GPR132: variants seen among roughly 807,000 people sequenced by gnomAD.
The protein encoded by GPR132 is probable G protein-coupled receptor 132.
In GPR132, 4 loss-of-function variants were observed where a neutral mutation model predicts 1.9. That is an observed-to-expected ratio of 2.13 (90% confidence interval 1.05 to 4.87). The LOEUF (loss-of-function observed/expected upper bound fraction) is 4.87. GPR132 is among the 30% of genes most tolerant of loss of function. The pLI is 0.01. For missense variants in GPR132, 404 were observed against 512.5 expected (o/e 0.79, Z 2.04); for synonymous variants, 233 against 234.2 (o/e 0.99, Z 0.05).
rs769074058 is a variant in GPR132, at chr14:105,051,579, G to A, written c.558C>T (p.Cys186=). The A allele has an allele frequency of 6.2e-7, 1 of 1,614,058 alleles. No individual in the cohort carries two copies. The highest frequency in any genetic ancestry group is 8.5e-7 in the Non-Finnish European group (1 of 1,180,046). Residue 186 remains cysteine, a synonymous_variant, in exon 4 of 4, where the codon TGC becomes TGT. Coordinates refer to ENST00000329797, the MANE Select transcript of GPR132 (RefSeq NM_013345.4). This position sits in a 1 kb window ranked among gnomAD's most constrained non-coding sequence, Gnocchi z 8.0. ...PVFQTEDKET[C]FDMLQMDSRI... is the part of the protein sequence containing the mutation. ...TGCTGTCCATCTGCAGCATGTCAAAGCAGGTCTCCTTGTCTTCCGTCTGGA... is the reference window on the plus strand; with the variant it reads ...TGCTGTCCATCTGCAGCATGTCAAAACAGGTCTCCTTGTCTTCCGTCTGGA...
At chr14:105,057,749 C>A (rs1886839725) in intron 1 of GPR132, among the ~76,000 whole-genome samples, 1 of 149,860 alleles carries the variant, frequency 6.7e-6, no homozygotes, top group Non-Finnish European at 1.5e-5. Flanking sequence ...AGTGCAATGG[C>A]ATGATCTCGG....
Position 105,051,723 on chromosome 14 carries a change from G to A in GPR132, c.414C>T (p.Cys138=), listed in dbSNP as rs138044047. The change falls in exon 4 of 4, where the codon TGC becomes TGT. Residue 138 remains cysteine (C), a synonymous_variant. Coordinates refer to ENST00000329797, the MANE Select transcript of GPR132 (RefSeq NM_013345.4). The surrounding 1 kb of genome is among the most constrained non-coding windows in gnomAD (Gnocchi z 8.0). ...VSILFLCCIS[C]DRFVAVVYAL... is the part of the protein sequence containing the mutation. ...CGTACACCACGGCCACGAAGCGGTC[G>A]CAGGAGATGCAGCACAGGAAGAGGA... is the stretch of plus-strand genomic sequence containing the variant. 29 of 1,613,980 alleles carry A rather than the reference G, an allele frequency of 1.8e-5. 1 individual carries two copies. Among genetic ancestry groups the A allele is most frequent in the African/African-American group, 8.0e-5 (6 of 74,930 alleles).
chr14:105,051,876 G>T lies in GPR132; in HGVS notation c.261C>A (p.Cys87Ter), dbSNP rs750063165. 1.2e-6 allele frequency: 2 copies of T among 1,613,630 alleles called. No individual in the cohort carries two copies. The highest frequency in any genetic ancestry group is 1.3e-5 in the African/African-American group (1 of 74,950). The part of the protein sequence containing the change: ...LAVYLLCLAL[C>*]ELLYTGTLPL... ...GCAGCGTGCCTGTGTACAGCAGCTC[G>T]CAGAGTGCCAGGCAGAGCAGGTAGA... The change falls in exon 4 of 4, where the codon TGC becomes TGA. Residue 87 changes from cysteine to a stop codon, truncating the protein, a stop_gained. Coordinates refer to ENST00000329797, the MANE Select transcript of GPR132 (RefSeq NM_013345.4). LOFTEE classifies it low-confidence loss of function (END_TRUNC). The surrounding 1 kb of genome is among the most constrained non-coding windows in gnomAD (Gnocchi z 8.0).
At chr14:105,057,383 C>T in intron 1 of GPR132, 103 bp from the exon 2 acceptor site, 2 of 541,142 alleles carry the variant, frequency 3.7e-6, no homozygotes, top group Non-Finnish European at 6.5e-6. Flanking sequence ...TACTAAGTGG[C>T]CCGTTGATTC....
At chr14:105,053,861 T>C in intron 3 of GPR132, 1 of 981,084 alleles carries the variant, frequency 1.0e-6, no homozygotes, top group Middle Eastern at 4.8e-4. Flanking sequence ...GTGGGCCCAA[T>C]GGAATCACAA....
intron 3 of GPR132, among the ~76,000 whole-genome samples, chr14:105,054,740 T>C (rs1157570391): frequency 6.7e-6 from 1 of 150,148 alleles, no homozygotes; most frequent in East Asian, 2.0e-4. Context: ...CACTTGTTTT[T>C]GTGCATTTAA....
At chr14:105,061,745 G>A (rs570009827) in intron 1 of GPR132, among the ~76,000 whole-genome samples, 57 of 152,280 alleles carry the variant, frequency 3.7e-4, no homozygotes, top group African/African-American at 1.3e-3. Flanking sequence ...ACCCTCCTGG[G>A]GGGGGGGAGT....
At chr14:105,065,189 C>T (rs951274421) in intron 1 of GPR132, among the ~76,000 whole-genome samples, 190 bp downstream of exon 1, 3 of 152,206 alleles carry the variant, frequency 2.0e-5, no homozygotes, top group Admixed American at 1.3e-4. Context: ...CATCTGTGGT[C>T]ACTGGGGGTC....
rs750928029 is a variant in GPR132, at chr14:105,051,086, C to T, written c.1051G>A (p.Val351Met). ...AAGGTGTAGTGGTCTGCAAGGGCCA[C>T]GGGCGACTGCAGCTCCTCGGTGTCC... Reference protein sequence around the residue: ...SRDTEELQSPVALADHYTFSR... With the variant: ...SRDTEELQSPMALADHYTFSR... The change falls in exon 4 of 4, where the codon GTG becomes ATG. Residue 351 changes from valine (V) to methionine (M), a missense_variant. Coordinates refer to ENST00000329797, the MANE Select transcript of GPR132 (RefSeq NM_013345.4). This position sits in a 1 kb window ranked among gnomAD's most constrained non-coding sequence, Gnocchi z 8.0. 7.4e-6 allele frequency: 12 copies of T among 1,614,032 alleles called. No homozygotes were observed. Among genetic ancestry groups the T allele is most frequent in the African/African-American group, 2.7e-5 (2 of 74,922 alleles).
At position 105,052,071 on chromosome 14, in the gene GPR132, C is replaced by T. The variant is rs751434619; in HGVS notation, c.66G>A (p.Pro22=). 21 of 1,594,344 alleles carry T rather than the reference C, an allele frequency of 1.3e-5. No homozygotes were observed. Among genetic ancestry groups the T allele is most frequent in the Middle Eastern group, 3.3e-4 (2 of 6,050 alleles). ...GNATPVTTTA[P]WASLGLSAKT... Reference sequence around the variant, plus strand: ...TGGCGGAGAGGCCCAGGGAGGCCCACGGGGCAGTGGTGGTCACTGGGGTGG... The same window carrying T: ...TGGCGGAGAGGCCCAGGGAGGCCCATGGGGCAGTGGTGGTCACTGGGGTGG... Residue 22 remains proline (P), a synonymous_variant, in exon 4 of 4, where the codon CCG becomes CCA. Transcript: ENST00000329797.
rs1052262088 is a variant in GPR132, at chr14:105,055,469, A to G, written c.-49T>C. 3.9e-6 allele frequency: 3 copies of G among 778,710 alleles called. No homozygotes were observed. Among genetic ancestry groups the G allele is most frequent in the Non-Finnish European group, 7.2e-6 (3 of 416,142 alleles). The allele number at this position is 778,710 out of a possible 1,614,324, so 48.2% of individuals were successfully genotyped here. On this transcript the variant is annotated 5_prime_UTR_variant, in exon 3 of 4. The change abolishes an upstream ATG in the 5' untranslated region. Coordinates refer to ENST00000329797, the MANE Select transcript of GPR132 (RefSeq NM_013345.4). The surrounding 1 kb of genome is among the most constrained non-coding windows in gnomAD (Gnocchi z 4.7). Reference sequence around the variant, plus strand: ...CAGCATCCGTCGGCAGAACCTTCTCATCTTCCCAAACGGAGACTCTGCCCC... The same window carrying G: ...CAGCATCCGTCGGCAGAACCTTCTCGTCTTCCCAAACGGAGACTCTGCCCC...
chr14:105,059,041 C>T lies in GPR132; in HGVS notation c.-860-1761G>A, dbSNP rs148387171. 6.6e-5 allele frequency among the ~76,000 whole-genome samples: 10 copies of T among 152,342 alleles called. No individual in the cohort carries two copies. Among genetic ancestry groups the T allele is most frequent in the African/African-American group, 2.4e-4 (10 of 41,576 alleles). ...CTGCCTCCCTGGTGCCAGGCCCAACCCCCACCCCATGCTGCCTGGTGCTGC... is the reference window on the plus strand; with the variant it reads ...CTGCCTCCCTGGTGCCAGGCCCAACTCCCACCCCATGCTGCCTGGTGCTGC... On this transcript the variant is annotated intron_variant, in intron 1 of 3. Transcript: ENST00000329797. The surrounding 1 kb of genome is among the most constrained non-coding windows in gnomAD (Gnocchi z 4.2).
chr14:105,056,708 G>C lies in GPR132; in HGVS notation c.-747+459C>G, dbSNP rs899122006. On this transcript the variant is annotated intron_variant, in intron 2 of 3. Coordinates refer to ENST00000329797, the MANE Select transcript of GPR132 (RefSeq NM_013345.4). The surrounding 1 kb of genome is among the most constrained non-coding windows in gnomAD (Gnocchi z 6.0). ...CCAGGTCCGTGGTGTCTGTGGCTCT[G>C]TGCCCATCTGGTGAGGAGGCTGTCC... Among the ~76,000 whole-genome samples, 2 of 152,208 alleles carry C rather than the reference G, an allele frequency of 1.3e-5. No homozygotes were observed. Among genetic ancestry groups the C allele is most frequent in the Non-Finnish European group, 1.5e-5 (1 of 68,036 alleles).
chr14:105,054,184 G>C, intron 3 of GPR132: 1 of 1,246,426 alleles, frequency 8.0e-7, no homozygotes, highest in Non-Finnish European at 1.0e-6. Context: ...CGGACAGAGC[G>C]TTGCCAAACT....
chr14:105,057,092 T>G, intron 2 of GPR132, 75 bp downstream of exon 2: 7 of 1,062,364 alleles, frequency 6.6e-6, no homozygotes, highest in African/African-American at 3.1e-5. Flanking sequence ...TTTTGAATTA[T>G]GAGACAACAT....
chr14:105,064,323 C>T (rs1027081512), intron 1 of GPR132, among the ~76,000 whole-genome samples: 1 of 152,070 alleles, frequency 6.6e-6, no homozygotes, highest in Non-Finnish European at 1.5e-5. Flanking sequence ...CCACCACACC[C>T]ATCCAAAGCC....
intron 3 of GPR132, 39 bp from the exon 4 acceptor site, chr14:105,052,141 G>A: frequency 6.7e-7 from 1 of 1,502,694 alleles, no homozygotes; most frequent in Non-Finnish European, 8.9e-7. Context: ...GGAGTCCCTG[G>A]AAACCACCTG....
At position 105,051,319 on chromosome 14, in the gene GPR132, C is replaced by A; in HGVS notation, c.818G>T (p.Arg273Ile). Residue 273 changes from arginine to isoleucine, a missense_variant, in exon 4 of 4, where the codon AGA becomes ATA. Physicochemically the swap from Arg to Ile is moderately conservative, Grantham distance 97 (BLOSUM62 -3). Coordinates refer to ENST00000329797, the MANE Select transcript of GPR132 (RefSeq NM_013345.4). This position sits in a 1 kb window ranked among gnomAD's most constrained non-coding sequence, Gnocchi z 8.0. ...LVKAAAFSYY[R>I]GDRNAMCGLE... ...GCCGCACATGGCGTTCCTGTCTCCT[C>A]TGTAGTAGGAAAAGGCAGCGGCTTT... 1 of 1,614,058 alleles carries A rather than the reference C, an allele frequency of 6.2e-7. No homozygotes were observed. Among genetic ancestry groups the A allele is most frequent in the Non-Finnish European group, 8.5e-7 (1 of 1,179,880 alleles).
At position 105,054,366 on chromosome 14, in the gene GPR132, T is replaced by C. The variant is rs563015209; in HGVS notation, c.34+1021A>G. 7.1e-6 allele frequency: 7 copies of C among 984,984 alleles called. No individual in the cohort carries two copies. In the South Asian group the frequency reaches 2.8e-4, roughly 40 times the overall value. 61.0% of individuals were successfully genotyped at this position (984,984 alleles called of 1,614,324 possible). ...GAGGGCCTGTTGACCTCCAGCACGATGGGGCAAGTCACCCCGAACGGGGTC... is the reference window on the plus strand; with the variant it reads ...GAGGGCCTGTTGACCTCCAGCACGACGGGGCAAGTCACCCCGAACGGGGTC... On this transcript the variant is annotated intron_variant, in intron 3 of 3. Coordinates refer to ENST00000329797, the MANE Select transcript of GPR132 (RefSeq NM_013345.4).
Sources: gnomAD v4.1 joint callset for allele counts (sites outside exome capture counted in the v4.1 genomes callset) on GRCh38, gnomAD v4.1.1 for gene constraint, Gnocchi (gnomAD v3.1) non-coding constraint, MANE v1.5 for transcripts, NCBI Gene and HGNC (gene_info 2026-07-23, HGNC 2026-07-21) for gene names.